Variants in COL14A1 observed in about 807,000 individuals in gnomAD.
COL14A1 encodes the protein collagen type XIV alpha 1 chain, also known as collagen alpha-1(XIV) chain.
COL14A1 carries 136 observed loss-of-function variants against 230.3 expected under a neutral mutation model. The ratio of observed to expected loss-of-function variants is 0.59; its 90% CI spans 0.51 to 0.68. The LOEUF is 0.68. Among genes scored for constraint, COL14A1 ranks in the 30% least tolerant of loss-of-function variants. The probability of loss-of-function intolerance (pLI) is 0.00; values close to 1 mark genes in which losing one functional copy is unlikely to be tolerated. For missense variants in COL14A1, 1,976 were observed against 2,215.8 expected (o/e 0.89, Z 2.17); for synonymous variants, 792 against 784.1 (o/e 1.01, Z -0.17).
At chr8:120,364,898 G>A (rs540213246) in intron 45 of COL14A1, among the ~76,000 whole-genome samples, 1 of 150,166 alleles carries the variant, frequency 6.7e-6, no homozygotes, top group East Asian at 2.0e-4. Context: ...AAAAAAAAAA[G>A]AAAAGAAAAG....
At chr8:120,250,325 C>A (rs1818896966) in intron 21 of COL14A1, among the ~76,000 whole-genome samples, 1 of 152,190 alleles carries the variant, frequency 6.6e-6, no homozygotes, top group Admixed American at 6.5e-5. Context: ...TTGCCTATTA[C>A]AACATAGTAC....
In COL14A1 at chr8:120,289,604, C is replaced by G. The variant is rs374928649; in HGVS notation, c.4078-4C>G. The G allele has an allele frequency of 6.2e-6, 10 of 1,612,162 alleles. No individual in the cohort carries two copies. The African/African-American group carries it at 1.2e-4, about 19-fold the overall frequency. Reference sequence around the variant, plus strand: ...ACCTCCTAAAACATCTTACTTTTACCTAGCTACACATTGTTGTCAGTGAGA... The same window carrying G: ...ACCTCCTAAAACATCTTACTTTTACGTAGCTACACATTGTTGTCAGTGAGA... On this transcript the variant is annotated splice_region_variant and splice_polypyrimidine_tract_variant and intron_variant, in intron 33 of 47. Transcript: ENST00000297848.
chr8:120,338,132 G>A (rs1822147810), intron 42 of COL14A1, among the ~76,000 whole-genome samples: 2 of 151,742 alleles, frequency 1.3e-5, no homozygotes, highest in South Asian at 4.2e-4. Context: ...AGCAAGAATA[G>A]CAAGAAAACT....
chr8:120,267,031 A>G, intron 25 of COL14A1, 148 bp downstream of exon 25: 1 of 637,882 alleles, frequency 1.6e-6, no homozygotes, highest in Admixed American at 2.7e-5. Flanking sequence ...ATCAACCATG[A>G]TGGGCTTGAA....
intron 2 of COL14A1, among the ~76,000 whole-genome samples, chr8:120,155,283 C>A (rs1370221228): frequency 6.6e-6 from 1 of 152,178 alleles, no homozygotes; most frequent in Non-Finnish European, 1.5e-5. Context: ...TTTGCTTCAA[C>A]AGTTTTACAC....
intron 20 of COL14A1, among the ~76,000 whole-genome samples, chr8:120,247,031 C>A (rs13258640): frequency 0.43 from 65,198 of 152,012 alleles, 14,209 homozygotes; most frequent in Middle Eastern, 0.5. Context: ...TTCAATTATA[C>A]CTAAAATTAA....
intron 21 of COL14A1, among the ~76,000 whole-genome samples, chr8:120,249,034 T>C (rs1470553442): frequency 7.0e-6 from 1 of 142,426 alleles, no homozygotes; most frequent in Non-Finnish European, 1.5e-5. Context: ...CACGCCATTC[T>C]CCTGCCTCAG....
intron 4 of COL14A1, 114 bp downstream of exon 4, chr8:120,162,683 A>G: frequency 1.1e-6 from 1 of 885,514 alleles, no homozygotes; most frequent in Non-Finnish European, 1.6e-6. Context: ...ATTTATAGAG[A>G]TCCTAGAAGA....
At chr8:120,174,887 C>T (rs1816223717) in intron 5 of COL14A1, among the ~76,000 whole-genome samples, 1 of 152,088 alleles carries the variant, frequency 6.6e-6, no homozygotes. Flanking sequence ...TAGTGTGGCC[C>T]ACTGGAGACA....
intron 1 of COL14A1, among the ~76,000 whole-genome samples, chr8:120,130,176 A>G (rs73317774): frequency 0.06 from 9,168 of 152,280 alleles, 964 homozygotes; most frequent in African/African-American, 0.21. Flanking sequence ...TGTTAGTTCA[A>G]CGGAGATTAT....
At chr8:120,201,671 G>A (rs10093651) in intron 8 of COL14A1, among the ~76,000 whole-genome samples, 4,118 of 151,176 alleles carry the variant, frequency 0.027, 88 homozygotes, top group Non-Finnish European at 0.043. Flanking sequence ...AGTTATCAAT[G>A]AAAAAAAAAC....
intron 47 of COL14A1, chr8:120,370,914 T>A: frequency 8.4e-7 from 1 of 1,189,128 alleles, no homozygotes; most frequent in Non-Finnish European, 1.1e-6. Context: ...ACATAATATT[T>A]AAATGGTTGG....
At chr8:120,194,511 T>C (rs1816958452) in intron 5 of COL14A1, among the ~76,000 whole-genome samples, 1 of 152,208 alleles carries the variant, frequency 6.6e-6, no homozygotes, top group Non-Finnish European at 1.5e-5. Flanking sequence ...ATTAAACTTA[T>C]CAATCTTTTG....
chr8:120,367,815 T>C (rs1312311589), intron 46 of COL14A1, among the ~76,000 whole-genome samples: 1 of 151,434 alleles, frequency 6.6e-6, no homozygotes, highest in Admixed American at 6.6e-5. Flanking sequence ...CGTGGTGGCA[T>C]GTGCTTGTAG....
At chr8:120,205,644 C>A (rs1354241229) in intron 9 of COL14A1, among the ~76,000 whole-genome samples, 1 of 152,008 alleles carries the variant, frequency 6.6e-6, no homozygotes, top group African/African-American at 2.4e-5. Context: ...TTCCCCTTTC[C>A]CCAGGCTAGA....
chr8:120,233,264 T>C (rs903645096), intron 19 of COL14A1, among the ~76,000 whole-genome samples: 3 of 152,198 alleles, frequency 2.0e-5, no homozygotes, highest in African/African-American at 7.2e-5. Context: ...AGAAGCTCTT[T>C]AGTTTAATTA....
chr8:120,238,890 T>A (rs1465536119), intron 19 of COL14A1, among the ~76,000 whole-genome samples: 2 of 152,180 alleles, frequency 1.3e-5, no homozygotes, highest in African/African-American at 2.4e-5. Flanking sequence ...GCTTCCTGGA[T>A]GAGGCGACGT....
chr8:120,204,002 G>A (rs967839759), intron 9 of COL14A1, 132 bp downstream of exon 9: 56 of 795,140 alleles, frequency 7.0e-5, no homozygotes, highest in East Asian at 3.0e-4. Flanking sequence ...GACCTGAGCC[G>A]TCAGAGTAGA....
chr8:120,209,737 A>T lies in COL14A1; in HGVS notation c.1322-19A>T, dbSNP rs752996973. On this transcript the variant is annotated intron_variant, in intron 11 of 47. Transcript: ENST00000297848. ...CACATATATAAGTGGCTCAACATTT[A>T]AAAAAAAATCTCTTGCAGTTGCTTT... 1.2e-5 allele frequency: 19 copies of T among 1,521,928 alleles called. No individual in the cohort carries two copies. Among genetic ancestry groups the T allele is most frequent in the East Asian group, 9.6e-5 (4 of 41,638 alleles). The allele number at this position is 1,521,928 out of a possible 1,614,324, so 94.3% of individuals were successfully genotyped here.
Sources: gnomAD v4.1 joint callset for allele counts (sites outside exome capture counted in the v4.1 genomes callset) on GRCh38, gnomAD v4.1.1 for gene constraint, MANE v1.5 for transcripts, NCBI Gene and HGNC (gene_info 2026-07-23, HGNC 2026-07-21) for gene names.